Variants in PTPRD observed in about 807,000 individuals in gnomAD.
PTPRD encodes the protein protein tyrosine phosphatase receptor type D, also known as receptor-type tyrosine-protein phosphatase delta.
A neutral mutation model predicts 214.5 loss-of-function variants in PTPRD; 34 were observed. The observed-to-expected ratio is 0.16, with a 90% CI of 0.12 to 0.21. The LOEUF (loss-of-function observed/expected upper bound fraction) is 0.21. Among genes scored for constraint, PTPRD ranks in the 10% least tolerant of loss-of-function variants. PTPRD has a pLI of 1.00. For synonymous variants in PTPRD, 1,128 were observed against 845.7 expected (o/e 1.33, Z -5.79); for missense variants, 2,545 against 2,398.7 (o/e 1.06, Z -1.27).
intron 3 of PTPRD, among the ~76,000 whole-genome samples, chr9:10,133,312 G>A (rs2154260116): frequency 6.6e-6 from 1 of 152,070 alleles, no homozygotes; most frequent in Non-Finnish European, 1.5e-5. Flanking sequence ...AAAGCTGATG[G>A]GGAATTGCAG....
chr9:9,523,904 G>A (rs942220825), intron 8 of PTPRD, among the ~76,000 whole-genome samples: 28 of 152,232 alleles, frequency 1.8e-4, no homozygotes, highest in African/African-American at 6.5e-4. Context: ...CCAACCCTCA[G>A]TCCATGTGCT....
intron 7 of PTPRD, among the ~76,000 whole-genome samples, chr9:9,643,447 C>T (rs1392356290): frequency 1.3e-5 from 2 of 152,156 alleles, no homozygotes; most frequent in East Asian, 3.9e-4. Flanking sequence ...TCATCTGCAC[C>T]TGTTATGGTG....
intron 14 of PTPRD, among the ~76,000 whole-genome samples, chr9:8,544,049 A>G (rs1026573202): frequency 6.6e-6 from 1 of 151,924 alleles, no homozygotes; most frequent in African/African-American, 2.4e-5. Flanking sequence ...TGGATATCAT[A>G]GCCCACCATA....
intron 10 of PTPRD, among the ~76,000 whole-genome samples, chr9:9,065,733 T>A (rs987378986): frequency 1.3e-5 from 2 of 152,134 alleles, no homozygotes; most frequent in Non-Finnish European, 2.9e-5. Context: ...CCCTCTCAAG[T>A]CAAATTCTCT....
chr9:9,962,505 C>A (rs2094433267), intron 4 of PTPRD, among the ~76,000 whole-genome samples: 1 of 151,820 alleles, frequency 6.6e-6, no homozygotes, highest in Non-Finnish European at 1.5e-5. Context: ...CACAATTCAC[C>A]CAAACATTAA....
intron 11 of PTPRD, among the ~76,000 whole-genome samples, chr9:8,927,567 A>G (rs1439459054): frequency 6.6e-6 from 1 of 152,152 alleles, no homozygotes; most frequent in African/African-American, 2.4e-5. Context: ...ATAGTATTCC[A>G]TGGTGTATAT....
At chr9:8,344,445 A>C (rs147677882) in intron 39 of PTPRD, among the ~76,000 whole-genome samples, 3 of 126,986 alleles carry the variant, frequency 2.4e-5, no homozygotes, top group African/African-American at 7.4e-5. Flanking sequence ...ACCTTTTCAT[A>C]ATGGTGATTT....
intron 11 of PTPRD, among the ~76,000 whole-genome samples, chr9:8,841,378 T>C (rs140818406): frequency 2.6e-5 from 4 of 152,322 alleles, no homozygotes; most frequent in African/African-American, 9.6e-5. Context: ...GTCCTTGCAA[T>C]CAATCACCTC....
intron 9 of PTPRD, among the ~76,000 whole-genome samples, chr9:9,391,489 T>C (rs1010148392): frequency 3.3e-5 from 5 of 152,174 alleles, no homozygotes; most frequent in Non-Finnish European, 7.3e-5. Flanking sequence ...TGCCAAAATA[T>C]AACTACTCTA....
chr9:9,267,266 G>A (rs1197314900), intron 9 of PTPRD, among the ~76,000 whole-genome samples: 1 of 151,074 alleles, frequency 6.6e-6, no homozygotes, highest in Non-Finnish European at 1.5e-5. Flanking sequence ...GATTCACAAG[G>A]AACTATTTGA....
chr9:9,568,818 T>A (rs551717314), intron 8 of PTPRD, among the ~76,000 whole-genome samples: 2 of 151,822 alleles, frequency 1.3e-5, no homozygotes, highest in Non-Finnish European at 2.9e-5. Context: ...AAGACCTTTT[T>A]GTAGCTGGAG....
intron 3 of PTPRD, among the ~76,000 whole-genome samples, chr9:10,201,874 T>C (rs2099426775): frequency 1.3e-5 from 2 of 151,510 alleles, no homozygotes; most frequent in East Asian, 1.9e-4. Context: ...AGTTGTTAAA[T>C]TTGAGAGGTA....
At chr9:8,438,349 G>C (rs1465086189) in intron 34 of PTPRD, among the ~76,000 whole-genome samples, 2 of 152,152 alleles carry the variant, frequency 1.3e-5, no homozygotes, top group East Asian at 3.8e-4. Context: ...ATGAAGGTCT[G>C]CTTCCAGTCA....
intron 7 of PTPRD, among the ~76,000 whole-genome samples, chr9:9,634,807 A>T (rs559959760): frequency 1.3e-5 from 2 of 152,312 alleles, no homozygotes; most frequent in African/African-American, 4.8e-5. Flanking sequence ...CCACTGTGTT[A>T]ATGGGAACTC....
chr9:9,494,528 T>G (rs2096079584), intron 8 of PTPRD, among the ~76,000 whole-genome samples: 1 of 152,322 alleles, frequency 6.6e-6, no homozygotes, highest in South Asian at 2.1e-4. Context: ...GATTAAGATT[T>G]GCAAAGTCAG....
At chr9:8,557,074 A>T (rs1392794419) in intron 14 of PTPRD, among the ~76,000 whole-genome samples, 1 of 152,172 alleles carries the variant, frequency 6.6e-6, no homozygotes, top group Non-Finnish European at 1.5e-5. Flanking sequence ...AAGGAGGACC[A>T]GTGAGAGGAA....
chr9:9,186,665 T>TCTCA (rs1437923681), intron 9 of PTPRD, among the ~76,000 whole-genome samples: 3 of 138,616 alleles, frequency 2.2e-5, no homozygotes, highest in African/African-American at 5.7e-5. Context: ...TCTCTCTCTC[T>TCTCA]CACACACACA....
intron 2 of PTPRD, among the ~76,000 whole-genome samples, chr9:10,395,876 A>T (rs945002577): frequency 6.6e-6 from 1 of 151,662 alleles, no homozygotes; most frequent in African/African-American, 2.4e-5. Context: ...TTCCTAGAGA[A>T]GGATCTGGAA....
At chr9:10,112,569 T>G (rs1052971428) in intron 3 of PTPRD, among the ~76,000 whole-genome samples, 2 of 152,188 alleles carry the variant, frequency 1.3e-5, no homozygotes, top group African/African-American at 4.8e-5. Context: ...CCAGGATGAA[T>G]GCTAGATGTG....
Sources: gnomAD v4.1 joint callset for allele counts (sites outside exome capture counted in the v4.1 genomes callset) on GRCh38, gnomAD v4.1.1 for gene constraint, MANE v1.5 for transcripts, NCBI Gene and HGNC (gene_info 2026-07-23, HGNC 2026-07-21) for gene names.